Variants in KIRREL3 observed in about 807,000 individuals in gnomAD.
KIRREL3 encodes kirre like nephrin family adhesion molecule 3.
In KIRREL3, 36 loss-of-function variants were observed where a neutral mutation model predicts 89.7. The ratio of observed to expected loss-of-function variants is 0.40; its 90% CI spans 0.31 to 0.53. KIRREL3 has a LOEUF of 0.53. Among genes scored for constraint, KIRREL3 ranks in the 20% least tolerant of loss-of-function variants. The probability of loss-of-function intolerance (pLI) is 0.49; values close to 1 mark genes in which losing one functional copy is unlikely to be tolerated. For synonymous variants in KIRREL3, 445 were observed against 441.4 expected (o/e 1.01, Z -0.10); for missense variants, 864 against 1,056.6 (o/e 0.82, Z 2.53).
intron 2 of KIRREL3, among the ~76,000 whole-genome samples, chr11:126,529,509 G>T (rs1403473695): frequency 2.6e-5 from 4 of 151,680 alleles, no homozygotes; most frequent in African/African-American, 4.9e-5. Flanking sequence ...GATGCCATCT[G>T]AGCAGGCTTG....
rs550459245 is a variant in KIRREL3 at position 126,705,492 on chromosome 11, C to T, written c.56-142580G>A. ...GTACCTGCTCCTGCTTCACCTTCTG[C>T]CATGATTGGAAGCTTCCTGAGGCCT... is the stretch of plus-strand genomic sequence containing the variant. On this transcript the variant is annotated intron_variant, in intron 1 of 16. Coordinates refer to ENST00000525144, the MANE Select transcript of KIRREL3 (RefSeq NM_032531.4). This position sits in a 1 kb window ranked among gnomAD's most constrained non-coding sequence, Gnocchi z 4.3. Among the ~76,000 whole-genome samples, 78 of 152,220 alleles carry T rather than the reference C, an allele frequency of 5.1e-4. No individual in the cohort carries two copies. The highest frequency in any genetic ancestry group is 1.8e-3 in the African/African-American group (76 of 41,530).
chr11:126,513,505 T>A lies in KIRREL3; in HGVS notation c.433+7810A>T, dbSNP rs548901886. Reference sequence around the variant, plus strand: ...AAAAGATGCGCTGAGTTTGCCTCCATCCCTGAGGGATCCTCTCTTCCTCCG... The same window carrying A: ...AAAAGATGCGCTGAGTTTGCCTCCAACCCTGAGGGATCCTCTCTTCCTCCG... On this transcript the variant is annotated intron_variant, in intron 4 of 16. Coordinates refer to ENST00000525144, the MANE Select transcript of KIRREL3 (RefSeq NM_032531.4). The surrounding 1 kb of genome is among the most constrained non-coding windows in gnomAD (Gnocchi z 5.9). 1.6e-4 allele frequency among the ~76,000 whole-genome samples: 24 copies of A among 152,258 alleles called. No homozygotes were observed. The South Asian group carries it at 1.7e-3, about 11-fold the overall frequency.
intron 1 of KIRREL3, among the ~76,000 whole-genome samples, chr11:126,718,096 A>C (rs530617541): frequency 6.6e-6 from 1 of 152,302 alleles, no homozygotes; most frequent in African/African-American, 2.4e-5. Context: ...CTACCTGGGC[A>C]AGGTAGCATC....
In KIRREL3 at chr11:126,648,594, A is replaced by T. The variant is rs181010431; in HGVS notation, c.56-85682T>A. Among the ~76,000 whole-genome samples the T allele has an allele frequency of 3.3e-5, 5 of 152,132 alleles. No individual in the cohort carries two copies. In the East Asian group the frequency reaches 9.6e-4, roughly 29 times the overall value. ...TATTTGTTCATTTCATGTCTCCTCC[A>T]CTAGAATGTCAGCCCCATGAAGTCT... On this transcript the variant is annotated intron_variant, in intron 1 of 16. Transcript: ENST00000525144.
chr11:126,457,973 A>G (rs1029950987), intron 6 of KIRREL3, among the ~76,000 whole-genome samples: 1 of 152,190 alleles, frequency 6.6e-6, no homozygotes, highest in Non-Finnish European at 1.5e-5. Context: ...GATCCTCTCC[A>G]GAGGCTGGTG....
At position 126,843,118 on chromosome 11, in the gene KIRREL3, C is replaced by T. The variant is rs191321269; in HGVS notation, c.55+157337G>A. 1.5e-3 allele frequency among the ~76,000 whole-genome samples: 222 copies of T among 152,256 alleles called. 1 individual carries two copies. The highest frequency in any genetic ancestry group is 5.1e-3 in the African/African-American group (210 of 41,554). ...ATAACAGTGTCCTCGTTCTCACCTG[C>T]CCTTTAGGACAATATCCTGCATTAT... On this transcript the variant is annotated intron_variant, in intron 1 of 16. Coordinates refer to ENST00000525144, the MANE Select transcript of KIRREL3 (RefSeq NM_032531.4). This position sits in a 1 kb window ranked among gnomAD's most constrained non-coding sequence, Gnocchi z 4.6.
intron 1 of KIRREL3, among the ~76,000 whole-genome samples, chr11:126,913,526 T>G (rs1946909387): frequency 6.6e-6 from 1 of 152,188 alleles, no homozygotes; most frequent in Non-Finnish European, 1.5e-5. Context: ...AGCTATCTGA[T>G]GGCCATGAAG....
intron 1 of KIRREL3, among the ~76,000 whole-genome samples, chr11:126,893,048 T>A (rs1206443973): frequency 2.0e-5 from 3 of 152,200 alleles, no homozygotes; most frequent in South Asian, 4.1e-4. Flanking sequence ...TTGTTTGATA[T>A]TCTCGCATTT....
At chr11:126,433,983 A>AG (rs756368038) in intron 13 of KIRREL3, among the ~76,000 whole-genome samples, 26 of 152,034 alleles carry the variant, frequency 1.7e-4, no homozygotes, top group Non-Finnish European at 2.9e-4. Context: ...CGGCTGGGGG[A>AG]GGGGTGCCCT....
chr11:126,868,607 G>A (rs948245243), intron 1 of KIRREL3, among the ~76,000 whole-genome samples: 3 of 152,184 alleles, frequency 2.0e-5, no homozygotes, highest in African/African-American at 7.2e-5. Context: ...AGGGTAAAGT[G>A]TAGGAGTGTC....
chr11:126,831,484 C>T, intron 1 of KIRREL3, among the ~76,000 whole-genome samples: 1 of 150,594 alleles, frequency 6.6e-6, no homozygotes, highest in Non-Finnish European at 1.5e-5. Context: ...GAATAGCCAT[C>T]CCAGACATCA....
rs1951504021 is a variant in KIRREL3 at position 126,814,835 on chromosome 11, G to A, written c.55+185620C>T. Among the ~76,000 whole-genome samples the A allele has an allele frequency of 6.6e-6, 1 of 152,146 alleles. No individual in the cohort carries two copies. Among genetic ancestry groups the A allele is most frequent in the South Asian group, 2.1e-4 (1 of 4,826 alleles). ...AATGGATGCTGGGCTTAATACCTGG[G>A]TGATGGTGGTGGGTTCATCGGTGCA... On this transcript the variant is annotated intron_variant, in intron 1 of 16. Coordinates refer to ENST00000525144, the MANE Select transcript of KIRREL3 (RefSeq NM_032531.4). This position sits in a 1 kb window ranked among gnomAD's most constrained non-coding sequence, Gnocchi z 4.4.
intron 4 of KIRREL3, among the ~76,000 whole-genome samples, 184 bp from the exon 5 acceptor site, chr11:126,473,650 C>G (rs927527311): frequency 2.6e-5 from 4 of 152,178 alleles, no homozygotes; most frequent in Non-Finnish European, 5.9e-5. Flanking sequence ...ATGTGCACTG[C>G]GTGCTTACAG....
chr11:126,646,148 A>G (rs948584530), intron 1 of KIRREL3, among the ~76,000 whole-genome samples: 9 of 152,052 alleles, frequency 5.9e-5, no homozygotes, highest in Admixed American at 4.6e-4. Flanking sequence ...TAGCATCTGC[A>G]GGTTCGCGAT....
rs1036880435 is a variant in KIRREL3, at chr11:126,918,723, C to A, written c.55+81732G>T. 3.9e-5 allele frequency among the ~76,000 whole-genome samples: 6 copies of A among 152,166 alleles called. No homozygotes were observed. Among genetic ancestry groups the A allele is most frequent in the African/African-American group, 1.2e-4 (5 of 41,422 alleles). On this transcript the variant is annotated intron_variant, in intron 1 of 16. Transcript: ENST00000525144. This position sits in a 1 kb window ranked among gnomAD's most constrained non-coding sequence, Gnocchi z 6.5. Reference sequence around the variant, plus strand: ...ACATTACTAATCAAGGATAGTTCCCCTTTTCAAAATCTTTTCCTGCATTGG... The same window carrying A: ...ACATTACTAATCAAGGATAGTTCCCATTTTCAAAATCTTTTCCTGCATTGG...
intron 1 of KIRREL3, among the ~76,000 whole-genome samples, chr11:126,582,560 G>T (rs1247446783): frequency 6.6e-6 from 1 of 152,158 alleles, no homozygotes; most frequent in Non-Finnish European, 1.5e-5. Context: ...TGAATTCCAC[G>T]GCAGGGACAG....
Position 126,843,782 on chromosome 11 carries a change from A to C in KIRREL3, c.55+156673T>G, listed in dbSNP as rs1386206053. 6.6e-6 allele frequency among the ~76,000 whole-genome samples: 1 copy of C among 152,102 alleles called. No individual in the cohort carries two copies. The highest frequency in any genetic ancestry group is 2.4e-5 in the African/African-American group (1 of 41,424). ...AAAAAGCTGGCTAAAACCCACCAAAATCAAGATGGCAACAAGAATGACCTC... is the reference window on the plus strand; with the variant it reads ...AAAAAGCTGGCTAAAACCCACCAAACTCAAGATGGCAACAAGAATGACCTC... On this transcript the variant is annotated intron_variant, in intron 1 of 16. Transcript: ENST00000525144. This position sits in a 1 kb window ranked among gnomAD's most constrained non-coding sequence, Gnocchi z 4.6.
At chr11:126,646,184 T>C (rs1944661874) in intron 1 of KIRREL3, among the ~76,000 whole-genome samples, 1 of 152,182 alleles carries the variant, frequency 6.6e-6, no homozygotes, top group East Asian at 1.9e-4. Flanking sequence ...GTCCCCCTTG[T>C]ACCTTCGAGT....
intron 4 of KIRREL3, among the ~76,000 whole-genome samples, chr11:126,493,550 G>A (rs541812085): frequency 2.8e-3 from 429 of 151,888 alleles, no homozygotes; most frequent in Non-Finnish European, 4.4e-3. Flanking sequence ...AGCTACTTGG[G>A]AGGCTGAGGC....
Sources: allele counts gnomAD v4.1 joint callset (sites outside exome capture counted in the v4.1 genomes callset), GRCh38; gene constraint gnomAD v4.1.1; non-coding constraint Gnocchi (gnomAD v3.1); transcripts MANE v1.5; gene names NCBI Gene and HGNC (gene_info 2026-07-23, HGNC 2026-07-21).